Variants in BCL2L12 observed in about 807,000 individuals in gnomAD.
The protein encoded by BCL2L12 is BCL2 like 12.
A neutral mutation model predicts 25.7 loss-of-function variants in BCL2L12; 27 were observed. The observed-to-expected ratio is 1.05, with a 90% confidence interval of 0.78 to 1.45. The LOEUF (loss-of-function observed/expected upper bound fraction) is 1.45, where lower values mean the gene tolerates loss of function less well. Among genes scored for constraint, BCL2L12 ranks in the 40% most tolerant of loss-of-function variants. BCL2L12 has a pLI of 0.00. For synonymous variants in BCL2L12, 132 were observed against 145.6 expected, an observed-to-expected ratio of 0.91 and a Z score of 0.67; for missense variants, 302 against 329.8, an observed-to-expected ratio of 0.92 and a Z score of 0.65.
At chr19:49,668,707 G>A (rs1262892590) in intron 3 of BCL2L12, 144 bp from the exon 4 acceptor site, 13 of 827,144 alleles carry the variant, frequency 1.6e-5, no homozygotes, top group Admixed American at 2.8e-5. Flanking sequence ...GGAGAATTGC[G>A]AGACTCCGTT....
chr19:49,669,426 C>G (rs1298080096), intron 5 of BCL2L12, among the ~76,000 whole-genome samples: 2 of 151,746 alleles, frequency 1.3e-5, no homozygotes, highest in African/African-American at 2.4e-5. Context: ...ATCCCAGCTA[C>G]TCAGAAGGCT....
rs1323757400 is a variant in BCL2L12, at chr19:49,668,907, C to T, written c.307C>T (p.Gln103Ter). Residue 103 changes from glutamine (Q) to a stop codon, truncating the protein, a stop_gained, in exon 4 of 7, where the codon CAA (glutamine) becomes TAA (stop). Transcript: ENST00000246784. LOFTEE classifies it high-confidence loss of function. Reference protein sequence around the residue: ...LVAQRLEQLVQEQLKSPPSPE... With the variant: ...LVAQRLEQLV The stretch of plus-strand genomic sequence containing the variant: ...GGCCCAGCGGCTGGAACAGCTGGTC[C>T]AAGAGCAGCTGAAATCTCCGCCCAG... 3 of 1,613,604 alleles carry T rather than the reference C, an allele frequency of 1.9e-6. No homozygotes were observed. The African/African-American group carries it at 4.0e-5, about 22-fold the overall frequency.
intron 3 of BCL2L12, among the ~76,000 whole-genome samples, chr19:49,668,073 C>A (rs796979086): frequency 6.6e-6 from 1 of 151,840 alleles, no homozygotes; most frequent in African/African-American, 2.4e-5. Context: ...AGCCACCGCA[C>A]CCTGTCAGCT....
Position 49,667,137 on chromosome 19 carries a change from C to T in BCL2L12, c.226C>T (p.Arg76Cys), listed in dbSNP as rs201494242. The T allele has an allele frequency of 1.1e-4, 175 of 1,613,818 alleles. No individual in the cohort carries two copies. The highest frequency in any genetic ancestry group is 2.5e-4 in the Admixed American group (15 of 60,000). Reference protein sequence around the residue: ...ESPRPCSLPIRPCYGLEPGPA... With the variant: ...ESPRPCSLPICPCYGLEPGPA... ...CCCTCGGCCTTGCTCTCTGCCCATC[C>T]GCCCCTGCTATGGTTTAGAGCCTGG... Residue 76 changes from arginine to cysteine, a missense_variant, in exon 3 of 7, where the codon CGC (arginine) becomes TGC (cysteine). By Grantham distance (180) the Arg-to-Cys change is radical. Transcript: ENST00000246784.
intron 2 of BCL2L12, 75 bp from the exon 3 acceptor site, chr19:49,666,944 A>G (rs2081801955): frequency 6.4e-7 from 1 of 1,559,216 alleles, no homozygotes; most frequent in African/African-American, 1.4e-5. Context: ...TCAGCGGGGG[A>G]GGGAGGGAGT....
chr19:49,673,811 C>G lies in BCL2L12; in HGVS notation c.*63C>G. On this transcript the variant is annotated 3_prime_UTR_variant, in exon 7 of 7. Coordinates refer to ENST00000246784, the MANE Select transcript of BCL2L12 (RefSeq NM_138639.2). The stretch of plus-strand genomic sequence containing the variant: ...GTCCCTGCCCTCTTCGTGTGCTTTT[C>G]CAAGTCTTCCTATTCCACTCAGGGC... The G allele has an allele frequency of 6.3e-7, 1 of 1,588,720 alleles. No homozygotes were observed. Among genetic ancestry groups the G allele is most frequent in the Non-Finnish European group, 8.6e-7 (1 of 1,157,784 alleles).
At chr19:49,670,623 C>G in intron 6 of BCL2L12, 135 bp downstream of exon 6, 2 of 1,244,380 alleles carry the variant, frequency 1.6e-6, no homozygotes, top group South Asian at 2.9e-5. Flanking sequence ...TCTGTTGAGC[C>G]CTTGCTGTAT....
chr19:49,665,646 G>A, upstream of BCL2L12: 2 of 760,960 alleles, frequency 2.6e-6, no homozygotes, highest in Admixed American at 2.9e-5. Flanking sequence ...ATGGAAGGTC[G>A]GGGCGTGCGG....
rs2081888683 is a variant in BCL2L12 at position 49,668,901 on chromosome 19, C to G, written c.301C>G (p.Leu101Val). The G allele has an allele frequency of 6.2e-7, 1 of 1,613,662 alleles. No homozygotes were observed. Among genetic ancestry groups the G allele is most frequent in the Non-Finnish European group, 8.5e-7 (1 of 1,179,934 alleles). Reference sequence around the variant, plus strand: ...TTTGGTGGCCCAGCGGCTGGAACAGCTGGTCCAAGAGCAGCTGAAATCTCC... The same window carrying G: ...TTTGGTGGCCCAGCGGCTGGAACAGGTGGTCCAAGAGCAGCTGAAATCTCC... ...YALVAQRLEQLVQEQLKSPPS... is the reference protein window; with the variant it reads ...YALVAQRLEQVVQEQLKSPPS... Residue 101 changes from leucine to valine, a missense_variant, in exon 4 of 7, where the codon CTG (leucine) becomes GTG (valine). By Grantham distance (32) the Leu-to-Val change is conservative (BLOSUM62 1). Transcript: ENST00000246784.
At position 49,665,994 on chromosome 19, in the gene BCL2L12, AAT is replaced by A; in HGVS notation, c.-80_-79del. Reference sequence around the variant, plus strand: ...TGCGCAGGCGCGGGAAAGTTGAACTAATAAAGTTTGTACGAGTTCAGTGGAGG... The same window carrying A: ...TGCGCAGGCGCGGGAAAGTTGAACTAAAAGTTTGTACGAGTTCAGTGGAGG... On this transcript the variant is annotated 5_prime_UTR_variant, in exon 1 of 7. Coordinates refer to ENST00000246784, the MANE Select transcript of BCL2L12 (RefSeq NM_138639.2). The A allele has an allele frequency of 3.7e-6, 6 of 1,605,894 alleles. No homozygotes were observed. The highest frequency in any genetic ancestry group is 5.1e-6 in the Non-Finnish European group (6 of 1,175,656).
rs758707020 is a variant in BCL2L12 at position 49,669,043 on chromosome 19, G to T, written c.357G>T (p.Ser119=). The change falls in exon 5 of 7, where the codon TCG becomes TCT. Residue 119 remains serine, a synonymous_variant. Coordinates refer to ENST00000246784, the MANE Select transcript of BCL2L12 (RefSeq NM_138639.2). ...CTCCAGAATTACAGGGTCCCCCATCGACAGAGAAGGAAGCCATACTGCGGA... is the reference window on the plus strand; with the variant it reads ...CTCCAGAATTACAGGGTCCCCCATCTACAGAGAAGGAAGCCATACTGCGGA... ...PPSPELQGPP[S]TEKEAILRRL... 1.2e-6 allele frequency: 2 copies of T among 1,613,964 alleles called. No individual in the cohort carries two copies. Among genetic ancestry groups the T allele is most frequent in the African/African-American group, 2.7e-5 (2 of 74,924 alleles).
At position 49,666,084 on chromosome 19, in the gene BCL2L12, CG is replaced by C. The variant is rs778805083; in HGVS notation, c.-9+18del. On this transcript the variant is annotated intron_variant, in intron 1 of 6. Coordinates refer to ENST00000246784, the MANE Select transcript of BCL2L12 (RefSeq NM_138639.2). ...CCGGACCAGGTCAGCGGGGTGTTGA[CG>C]AGGGGTGGGGTGAGGAGGGAAGAGG... 9.5e-5 allele frequency: 145 copies of C among 1,533,532 alleles called. 1 individual carries two copies. In the African/African-American group the frequency reaches 1.9e-3, roughly 20 times the overall value. The allele number at this position is 1,533,532 out of a possible 1,614,324, so 95.0% of individuals were successfully genotyped here.
chr19:49,670,517 C>T (rs1457536844), intron 6 of BCL2L12, 29 bp downstream of exon 6: 1 of 1,531,558 alleles, frequency 6.5e-7, no homozygotes, highest in Non-Finnish European at 8.8e-7. Flanking sequence ...TCTCTCCGGG[C>T]CTCACTTTAC....
chr19:49,669,531 G>C (rs1177868882), intron 5 of BCL2L12, among the ~76,000 whole-genome samples: 1 of 144,450 alleles, frequency 6.9e-6, no homozygotes, highest in African/African-American at 2.6e-5. Flanking sequence ...GTGAGACTCT[G>C]TCTTTAAAAA....
chr19:49,666,428 G>A (rs571488545), intron 1 of BCL2L12, among the ~76,000 whole-genome samples: 44 of 152,246 alleles, frequency 2.9e-4, no homozygotes, highest in African/African-American at 1.0e-3. Flanking sequence ...CAGAAGTCCA[G>A]GACCCCAGCT....
upstream of BCL2L12, chr19:49,665,909 T>G (rs1243614993): frequency 5.6e-6 from 9 of 1,613,362 alleles, no homozygotes; most frequent in East Asian, 2.0e-4. Context: ...CACATGCAAA[T>G]TGAGCGTGCA....
chr19:49,670,586 G>C (rs1394694569), intron 6 of BCL2L12, 98 bp downstream of exon 6: 5 of 1,449,592 alleles, frequency 3.4e-6, no homozygotes, highest in Non-Finnish European at 1.8e-6. Context: ...CAGACCTCAG[G>C]TATTCTCCCA....
chr19:49,665,614 G>A (rs2304206), upstream of BCL2L12: 177,565 of 604,954 alleles, frequency 0.29, 29,952 homozygotes, highest in African/African-American at 0.62. Flanking sequence ...ACGCTCTCCC[G>A]GGCTCTTCCG....
At chr19:49,667,941 A>G in intron 3 of BCL2L12, among the ~76,000 whole-genome samples, 1 of 150,406 alleles carries the variant, frequency 6.6e-6, no homozygotes. Context: ...CCAGCATACT[A>G]GCTGATTTTT....
Sources: gnomAD v4.1 joint callset for allele counts (sites outside exome capture counted in the v4.1 genomes callset) on GRCh38, gnomAD v4.1.1 for gene constraint, MANE v1.5 for transcripts, NCBI Gene and HGNC (gene_info 2026-07-23, HGNC 2026-07-21) for gene names.